Variants in L3MBTL4 observed in about 807,000 individuals in gnomAD.
The protein encoded by L3MBTL4 is L3MBTL histone methyl-lysine binding protein 4.
In L3MBTL4, 70 loss-of-function variants were observed where a neutral mutation model predicts 84.5. That is an observed-to-expected ratio of 0.83 (90% CI 0.68 to 1.01). The LOEUF (loss-of-function observed/expected upper bound fraction) is 1.01. L3MBTL4 is among the 50% of genes least tolerant of loss of function. L3MBTL4 has a pLI of 0.00. For missense variants in L3MBTL4, 715 were observed against 754.8 expected (o/e 0.95, Z 0.62); for synonymous variants, 274 against 259.8 (o/e 1.05, Z -0.52).
intron 4 of L3MBTL4, among the ~76,000 whole-genome samples, chr18:6,281,369 C>G (rs933007404): frequency 1.3e-5 from 2 of 152,108 alleles, no homozygotes; most frequent in African/African-American, 4.8e-5. Context: ...ACCAAAGAAG[C>G]CTTCACTATC....
intron 4 of L3MBTL4, among the ~76,000 whole-genome samples, chr18:6,280,667 G>C (rs1012606277): frequency 6.6e-6 from 1 of 152,196 alleles, no homozygotes; most frequent in African/African-American, 2.4e-5. Flanking sequence ...TTGCAGAGGT[G>C]GTTAAGCTAA....
chr18:5,973,537 T>A (rs186841796), intron 16 of L3MBTL4, among the ~76,000 whole-genome samples: 136 of 110,152 alleles, frequency 1.2e-3, no homozygotes, highest in Admixed American at 1.7e-3. Flanking sequence ...TGATTTTAAC[T>A]TTTTTTTACA....
intron 15 of L3MBTL4, 31 bp downstream of exon 15, chr18:6,093,324 T>G: frequency 6.4e-7 from 1 of 1,560,658 alleles, no homozygotes; most frequent in Non-Finnish European, 8.7e-7. Context: ...ATGGTTTACT[T>G]TCTGGCTCAC....
Position 6,027,820 on chromosome 18 carries a change from C to T in L3MBTL4, c.1444+53061G>A, listed in dbSNP as rs566678397. Among the ~76,000 whole-genome samples, 430 of 152,152 alleles carry T rather than the reference C, an allele frequency of 2.8e-3. 1 individual carries two copies. Among genetic ancestry groups the T allele is most frequent in the Middle Eastern group, 0.014 (4 of 294 alleles). On this transcript the variant is annotated intron_variant, in intron 16 of 18. Coordinates refer to ENST00000317931, the MANE Select transcript of L3MBTL4 (RefSeq NM_001330559.2). ...AAGCTTTTTTCATATGTTTGTTGTC[C>T]GCAGAAATGTCTTCTTTAGAGAAGT...
At chr18:6,394,895 T>G (rs2055206776) in intron 1 of L3MBTL4, 1 of 152,200 alleles carries the variant, frequency 6.6e-6, no homozygotes, top group Non-Finnish European at 1.5e-5. Flanking sequence ...ATCATTTGCT[T>G]GCAGTTTGCA....
chr18:6,032,434 A>T (rs1399129757), intron 16 of L3MBTL4, among the ~76,000 whole-genome samples: 2 of 151,530 alleles, frequency 1.3e-5, no homozygotes, highest in Non-Finnish European at 2.9e-5. Flanking sequence ...TCAAAATAAT[A>T]CAGGTCGAGG....
intron 4 of L3MBTL4, among the ~76,000 whole-genome samples, chr18:6,293,509 T>C (rs558543129): frequency 2.7e-4 from 41 of 152,058 alleles, no homozygotes; most frequent in African/African-American, 7.5e-4. Context: ...TAAGAAGCCA[T>C]GAGTCCATTA....
chr18:6,060,500 C>T (rs2057176798), intron 16 of L3MBTL4, among the ~76,000 whole-genome samples: 1 of 151,656 alleles, frequency 6.6e-6, no homozygotes, highest in South Asian at 2.1e-4. Context: ...GCCCCCTTTA[C>T]CCCTAATCCC....
chr18:6,282,185 A>T (rs1355966486), intron 4 of L3MBTL4, among the ~76,000 whole-genome samples: 1 of 152,230 alleles, frequency 6.6e-6, no homozygotes. Flanking sequence ...ACTGTGTACT[A>T]GGCTCTATGG....
intron 3 of L3MBTL4, among the ~76,000 whole-genome samples, chr18:6,308,227 A>G (rs1460042747): frequency 6.6e-6 from 1 of 152,204 alleles, no homozygotes; most frequent in Non-Finnish European, 1.5e-5. Context: ...CTGCAGCAGC[A>G]CTACAGGGAC....
At chr18:6,188,784 G>T (rs1236472739) in intron 12 of L3MBTL4, among the ~76,000 whole-genome samples, 8 of 152,230 alleles carry the variant, frequency 5.3e-5, no homozygotes, top group Non-Finnish European at 8.8e-5. Context: ...AGAGGCTGTG[G>T]GGAGGGCCTG....
At chr18:6,194,038 C>T (rs2045260042) in intron 12 of L3MBTL4, among the ~76,000 whole-genome samples, 1 of 152,128 alleles carries the variant, frequency 6.6e-6, no homozygotes, top group African/African-American at 2.4e-5. Context: ...TCCAGTCAAG[C>T]TTTCCAAAAT....
intron 13 of L3MBTL4, among the ~76,000 whole-genome samples, chr18:6,148,518 T>C (rs1490965147): frequency 6.6e-6 from 1 of 152,148 alleles, no homozygotes; most frequent in Non-Finnish European, 1.5e-5. Context: ...ATCAACTTCC[T>C]GGGCTCAAAT....
chr18:6,035,870 A>T (rs2056111854), intron 16 of L3MBTL4, among the ~76,000 whole-genome samples: 1 of 152,336 alleles, frequency 6.6e-6, no homozygotes, highest in South Asian at 2.1e-4. Context: ...CCCTAACATC[A>T]CAATTAAAAG....
At chr18:6,196,848 T>C (rs1324414116) in intron 12 of L3MBTL4, among the ~76,000 whole-genome samples, 2 of 152,222 alleles carry the variant, frequency 1.3e-5, no homozygotes, top group Non-Finnish European at 2.9e-5. Flanking sequence ...GCCAGACCCA[T>C]GTCCTCCTAT....
At chr18:6,286,726 A>G (rs2049608035) in intron 4 of L3MBTL4, among the ~76,000 whole-genome samples, 1 of 152,184 alleles carries the variant, frequency 6.6e-6, no homozygotes, top group African/African-American at 2.4e-5. Context: ...CTTTGGAATC[A>G]CAAAGTAAGG....
At chr18:6,206,150 TGTTAGTCTAAAATAAG>T (rs1483975904) in intron 12 of L3MBTL4, among the ~76,000 whole-genome samples, 2 of 152,192 alleles carry the variant, frequency 1.3e-5, no homozygotes, top group African/African-American at 4.8e-5. Context: ...TATCAAGAAC[TGTTAGTCTAAAATAAG>T]GTCCTTACTC....
chr18:6,404,872 G>A (rs2055659948), intron 1 of L3MBTL4, among the ~76,000 whole-genome samples: 2 of 148,500 alleles, frequency 1.3e-5, no homozygotes, highest in Non-Finnish European at 3.0e-5. Context: ...TTTTTTTGAA[G>A]AGACGAAGTC....
At chr18:6,166,159 G>A (rs933176297) in intron 13 of L3MBTL4, among the ~76,000 whole-genome samples, 3 of 152,112 alleles carry the variant, frequency 2.0e-5, no homozygotes, top group Non-Finnish European at 4.4e-5. Flanking sequence ...CCCAATACAG[G>A]AGCACCCAGA....
Sources: allele counts gnomAD v4.1 joint callset (sites outside exome capture counted in the v4.1 genomes callset), GRCh38; gene constraint gnomAD v4.1.1; transcripts MANE v1.5; gene names NCBI Gene and HGNC (gene_info 2026-07-23, HGNC 2026-07-21).